The following CAST variants were observed in gnomAD, a reference collection of about 807,000 sequenced individuals.
CAST encodes the protein calpastatin.
A neutral mutation model predicts 119.6 loss-of-function variants in CAST; 76 were observed. The observed-to-expected ratio is 0.64, with a 90% CI of 0.53 to 0.77. The LOEUF (loss-of-function observed/expected upper bound fraction) is 0.77. Ranked by LOEUF, CAST falls within the 30% of genes least tolerant of loss-of-function variation. The pLI is 0.00. For synonymous variants in CAST, 319 were observed against 331.6 expected (o/e 0.96, Z 0.41); for missense variants, 953 against 946.5 (o/e 1.01, Z -0.09).
the CAST span, among the ~76,000 whole-genome samples, chr5:96,475,132 C>T: frequency 6.6e-6 from 1 of 152,124 alleles, no homozygotes; most frequent in Non-Finnish European, 1.5e-5. Context: ...TCCGTCCCTG[C>T]CCCCAGAGTG....
At chr5:96,458,981 T>A in the CAST span, among the ~76,000 whole-genome samples, 1 of 152,154 alleles carries the variant, frequency 6.6e-6, no homozygotes. Flanking sequence ...CAAATTAGTT[T>A]TAACGTCCTT....
chr5:96,341,327 C>A, the CAST span, among the ~76,000 whole-genome samples: 1 of 147,846 alleles, frequency 6.8e-6, no homozygotes, highest in Non-Finnish European at 1.5e-5. Context: ...CACTCCCATC[C>A]CCCCACCCTC....
At chr5:96,430,671 G>A in the CAST span, among the ~76,000 whole-genome samples, 7 of 152,238 alleles carry the variant, frequency 4.6e-5, no homozygotes, top group East Asian at 3.9e-4. Flanking sequence ...AACCAGGAAC[G>A]TGCTATCAGC....
At chr5:96,090,253 A>G in the CAST span, among the ~76,000 whole-genome samples, 18 of 152,200 alleles carry the variant, frequency 1.2e-4, no homozygotes, top group Non-Finnish European at 2.4e-4. Context: ...TCTTGAGAGC[A>G]TGTCTTCCCC....
chr5:96,432,611 G>A, the CAST span, among the ~76,000 whole-genome samples: 2 of 152,294 alleles, frequency 1.3e-5, no homozygotes, highest in East Asian at 3.9e-4. Context: ...TTCTAGAGCG[G>A]CCAACAGTAA....
intron 1 of CAST, among the ~76,000 whole-genome samples, chr5:96,607,285 C>A (rs1747277660): frequency 6.6e-6 from 1 of 151,980 alleles, no homozygotes; most frequent in African/African-American, 2.4e-5. Flanking sequence ...GGGACTCCGT[C>A]TCAAAAAACA....
At chr5:96,474,329 C>G in the CAST span, among the ~76,000 whole-genome samples, 1 of 151,966 alleles carries the variant, frequency 6.6e-6, no homozygotes, top group African/African-American at 2.4e-5. Flanking sequence ...AAAACCCTAG[C>G]CTCTGAGGGC....
chr5:96,611,338 G>A (rs1031759106), intron 1 of CAST, among the ~76,000 whole-genome samples: 1 of 152,130 alleles, frequency 6.6e-6, no homozygotes, highest in African/African-American at 2.4e-5. Context: ...AACAAAAGGT[G>A]ACAAAAATAA....
At chr5:96,081,921 T>C in the CAST span, among the ~76,000 whole-genome samples, 10 of 152,308 alleles carry the variant, frequency 6.6e-5, no homozygotes, top group South Asian at 2.1e-3. Flanking sequence ...TTTATTTATT[T>C]ATTTATTTTT....
At chr5:96,511,235 C>T in the CAST span, among the ~76,000 whole-genome samples, 3 of 152,184 alleles carry the variant, frequency 2.0e-5, no homozygotes, top group African/African-American at 7.2e-5. Flanking sequence ...ACCTCTGCCT[C>T]CCGGGTTCAA....
chr5:96,546,945 G>A (rs1214119190), intron 1 of CAST, among the ~76,000 whole-genome samples: 2 of 152,172 alleles, frequency 1.3e-5, no homozygotes, highest in African/African-American at 4.8e-5. Flanking sequence ...CAGAGAGCAG[G>A]AAAACTGACA....
the CAST span, among the ~76,000 whole-genome samples, chr5:96,438,769 AAAT>A: frequency 1.3e-5 from 2 of 152,200 alleles, no homozygotes; most frequent in Non-Finnish European, 2.9e-5. Flanking sequence ...ACTATTTGAA[AAAT>A]AATATTTCGG....
the CAST span, among the ~76,000 whole-genome samples, chr5:96,438,719 A>C: frequency 2.0e-5 from 3 of 152,198 alleles, no homozygotes; most frequent in African/African-American, 7.2e-5. Flanking sequence ...CACTTGGTTA[A>C]GATGGTATCA....
At chr5:96,010,479 T>C in the CAST span, among the ~76,000 whole-genome samples, 2 of 152,060 alleles carry the variant, frequency 1.3e-5, no homozygotes, top group Admixed American at 1.3e-4. Context: ...ACCTGGCTAA[T>C]TTTTGTATTT....
At chr5:96,304,424 C>A in the CAST span, among the ~76,000 whole-genome samples, 1 of 152,180 alleles carries the variant, frequency 6.6e-6, no homozygotes, top group Non-Finnish European at 1.5e-5. Flanking sequence ...ATGATAGTTT[C>A]TTTTGCTGTG....
intron 2 of CAST, among the ~76,000 whole-genome samples, chr5:96,688,060 G>A (rs1294698075): frequency 6.6e-6 from 1 of 152,180 alleles, no homozygotes; most frequent in African/African-American, 2.4e-5. Flanking sequence ...ACACCCAGTG[G>A]TTAAAAGTAG....
the CAST span, among the ~76,000 whole-genome samples, chr5:96,147,530 G>A: frequency 6.6e-6 from 1 of 152,158 alleles, no homozygotes; most frequent in African/African-American, 2.4e-5. Context: ...GTGAACCTGG[G>A]AGGCGGAGCT....
the CAST span, among the ~76,000 whole-genome samples, chr5:96,513,443 TG>T: frequency 6.6e-6 from 1 of 152,168 alleles, no homozygotes; most frequent in African/African-American, 2.4e-5. Context: ...TTGACTAGGA[TG>T]GGCAGGGAAA....
intron 1 of CAST, chr5:96,631,144 A>G (rs1426198464): frequency 7.1e-6 from 1 of 140,472 alleles, no homozygotes; most frequent in East Asian, 2.1e-4. Flanking sequence ...TTCACAGGAC[A>G]TAAAATCCAC....
Sources: allele counts gnomAD v4.1 joint callset (sites outside exome capture counted in the v4.1 genomes callset), GRCh38; gene constraint gnomAD v4.1.1; transcripts MANE v1.5; gene names NCBI Gene and HGNC (gene_info 2026-07-23, HGNC 2026-07-21).